The following GRID2IP variants were observed in gnomAD, a reference collection of about 807,000 sequenced individuals.
GRID2IP encodes Grid2 interacting protein.
A neutral mutation model predicts 114.3 loss-of-function variants in GRID2IP; 78 were observed. The observed-to-expected ratio is 0.68, with a 90% confidence interval of 0.57 to 0.82. The LOEUF (loss-of-function observed/expected upper bound fraction) is 0.82, where lower values mean the gene tolerates loss of function less well. Among genes scored for constraint, GRID2IP ranks in the 40% least tolerant of loss-of-function variants. GRID2IP has a pLI of 0.00. For synonymous variants in GRID2IP, 809 were observed against 724.0 expected, an observed-to-expected ratio of 1.12 and a Z score of -1.89; for missense variants, 1,727 against 1,678.5, an observed-to-expected ratio of 1.03 and a Z score of -0.51.
intron 2 of GRID2IP, among the ~76,000 whole-genome samples, chr7:6,538,480 T>G (rs1364563051): frequency 6.6e-6 from 1 of 151,394 alleles, no homozygotes; most frequent in African/African-American, 2.4e-5. Flanking sequence ...GGTGGGTGAA[T>G]CACTTGAGGT....
Position 6,536,063 on chromosome 7 carries a change from C to A in GRID2IP, c.584+3655G>T, listed in dbSNP as rs997594958. Among the ~76,000 whole-genome samples, 2 of 152,200 alleles carry A rather than the reference C, an allele frequency of 1.3e-5. No homozygotes were observed. Among genetic ancestry groups the A allele is most frequent in the Non-Finnish European group, 2.9e-5 (2 of 68,040 alleles). On this transcript the variant is annotated intron_variant, in intron 2 of 21. Transcript: ENST00000457091. This position sits in a 1 kb window ranked among gnomAD's most constrained non-coding sequence, Gnocchi z 5.3. ...CAGCTGCGTCTGTGGCTTCTCCATG[C>A]CCCCTCTGACCTCTCTCCAGATGGG...
rs535272257 is a variant in GRID2IP at position 6,528,971 on chromosome 7, C to T, written c.585-2202G>A. ...TCTGCCAGGCCTGCACATTCCCTAG[C>T]GCCTCCCAGACCTCAAGCCTCATGT... On this transcript the variant is annotated intron_variant, in intron 2 of 21. Transcript: ENST00000457091. This position sits in a 1 kb window ranked among gnomAD's most constrained non-coding sequence, Gnocchi z 6.0. 4.6e-5 allele frequency among the ~76,000 whole-genome samples: 7 copies of T among 152,266 alleles called. No homozygotes were observed. Among genetic ancestry groups the T allele is most frequent in the Admixed American group, 2.0e-4 (3 of 15,296 alleles).
At chr7:6,529,539 C>T (rs1010155357) in intron 2 of GRID2IP, among the ~76,000 whole-genome samples, 1 of 152,206 alleles carries the variant, frequency 6.6e-6, no homozygotes, top group Admixed American at 6.5e-5. Context: ...CCTTTCCTTA[C>T]TTGGTGTTTT....
In GRID2IP at chr7:6,498,084, C is replaced by T; in HGVS notation, c.3544G>A (p.Glu1182Lys). ...TSEAFFGIFA[E>K]FMSKFERALS... ...CTCACCTCGAATTTGCTCATGAACTCTGCAAAGATGCCGAAGAAAGCCTCA... is the reference window on the plus strand; with the variant it reads ...CTCACCTCGAATTTGCTCATGAACTTTGCAAAGATGCCGAAGAAAGCCTCA... The change falls in exon 21 of 22, where the codon GAG (glutamate) becomes AAG (lysine). Residue 1182 changes from glutamate to lysine, a missense_variant. Glu to Lys is a moderately conservative substitution (Grantham distance 56). Coordinates refer to ENST00000457091, the MANE Select transcript of GRID2IP (RefSeq NM_001145118.2). 6.4e-7 allele frequency: 1 copy of T among 1,551,354 alleles called. No individual in the cohort carries two copies. Among genetic ancestry groups the T allele is most frequent in the African/African-American group, 1.4e-5 (1 of 73,178 alleles).
At chr7:6,513,263 T>C (rs1052448939) in intron 8 of GRID2IP, among the ~76,000 whole-genome samples, 9 of 151,742 alleles carry the variant, frequency 5.9e-5, no homozygotes, top group South Asian at 2.1e-4. Context: ...TTTTTTTTTC[T>C]GGAGGCAGTA....
Position 6,509,127 on chromosome 7 carries a change from G to T in GRID2IP, c.1958C>A (p.Pro653His), listed in dbSNP as rs1786686614. The T allele has an allele frequency of 6.8e-7, 1 of 1,474,588 alleles. No individual in the cohort carries two copies. The highest frequency in any genetic ancestry group is 2.3e-5 in the Admixed American group (1 of 44,406). The allele number at this position is 1,474,588 out of a possible 1,614,324, so 91.3% of individuals were successfully genotyped here. ...PGPGPICPDSPPSPDPTRPPS... is the reference protein window; with the variant it reads ...PGPGPICPDSHPSPDPTRPPS... ...CGGGCGGGTGGGGTCCGGGCTTGGG[G>T]GGCTGTCGGGGCAGATGGGCCCGGG... is the stretch of plus-strand genomic sequence containing the variant. The change falls in exon 12 of 22, where the codon CCC becomes CAC. Residue 653 changes from proline (P) to histidine (H), a missense_variant. Transcript: ENST00000457091. The surrounding 1 kb of genome is among the most constrained non-coding windows in gnomAD (Gnocchi z 4.9).
rs1204028494 is a variant in GRID2IP at position 6,507,668 on chromosome 7, AG to A, written c.2544+316del. Among the ~76,000 whole-genome samples, 2 of 152,232 alleles carry A rather than the reference AG, an allele frequency of 1.3e-5. No homozygotes were observed. Among genetic ancestry groups the A allele is most frequent in the Admixed American group, 6.5e-5 (1 of 15,284 alleles). On this transcript the variant is annotated intron_variant, in intron 13 of 21. Transcript: ENST00000457091. The surrounding 1 kb of genome is among the most constrained non-coding windows in gnomAD (Gnocchi z 5.3). The stretch of plus-strand genomic sequence containing the variant: ...AGTGAAAGGGTGAAGGCTGGTGTGC[AG>A]GAGTTTGAACCAGCTGCTCTTTTAA...
Position 6,510,675 on chromosome 7 carries a change from G to T in GRID2IP, c.1587C>A (p.Pro529=). 1 of 1,546,636 alleles carries T rather than the reference G, an allele frequency of 6.5e-7. No individual in the cohort carries two copies. The highest frequency in any genetic ancestry group is 8.7e-7 in the Non-Finnish European group (1 of 1,145,408). The change falls in exon 10 of 22, where the codon CCC becomes CCA. Residue 529 remains proline, a synonymous_variant. Coordinates refer to ENST00000457091, the MANE Select transcript of GRID2IP (RefSeq NM_001145118.2). ...CTGCCTGGCGCTCGCCTGGGATCAG[G>T]GGAAGAGGCATCTCAGGGCACTCGC... The part of the protein sequence containing the change: ...GPSECPEMPL[P]LIPGERQAGD...
In GRID2IP at chr7:6,521,762, C is replaced by G. The variant is rs1190063823; in HGVS notation, c.989+126G>C. The G allele has an allele frequency of 3.9e-6, 3 of 764,176 alleles. No individual in the cohort carries two copies. The highest frequency in any genetic ancestry group is 6.5e-6 in the Non-Finnish European group (3 of 459,692). The allele number at this position is 764,176 out of a possible 1,614,324, so 47.3% of individuals were successfully genotyped here. A position where few individuals can be genotyped will look rare whatever the true frequency, so the allele number is the denominator to read the frequency against. ...TCAAGAGTTCCCATTGGAAGAGGGA[C>G]AGACCCTGGGGACCAAATGGTGAGA... is the stretch of plus-strand genomic sequence containing the variant. On this transcript the variant is annotated intron_variant, in intron 5 of 21. Coordinates refer to ENST00000457091, the MANE Select transcript of GRID2IP (RefSeq NM_001145118.2). This position sits in a 1 kb window ranked among gnomAD's most constrained non-coding sequence, Gnocchi z 4.1.
chr7:6,530,147 A>G (rs1464240349), intron 2 of GRID2IP, among the ~76,000 whole-genome samples: 3 of 151,368 alleles, frequency 2.0e-5, no homozygotes, highest in East Asian at 3.9e-4. Flanking sequence ...TTTAGTTGAG[A>G]CAGGGTTTCA....
chr7:6,499,603 G>C (rs896398711), intron 20 of GRID2IP, among the ~76,000 whole-genome samples: 1 of 151,906 alleles, frequency 6.6e-6, no homozygotes, highest in Non-Finnish European at 1.5e-5. Context: ...GCTAATTTTT[G>C]TATGTCTAGT....
chr7:6,533,054 G>A (rs188105459), intron 2 of GRID2IP, among the ~76,000 whole-genome samples: 1 of 152,322 alleles, frequency 6.6e-6, no homozygotes, highest in East Asian at 1.9e-4. Context: ...AACCAGTCGT[G>A]ATTTTTGTCC....
intron 7 of GRID2IP, among the ~76,000 whole-genome samples, chr7:6,515,398 T>C (rs1157648825): frequency 1.3e-5 from 2 of 148,660 alleles, no homozygotes; most frequent in Non-Finnish European, 3.0e-5. Flanking sequence ...GAGGCGGAGG[T>C]TGTAGTGAGC....
rs1779397393 is a variant in GRID2IP at position 6,520,800 on chromosome 7, G to A, written c.1085-39C>T. ...AGGCGGGAGAGGCATGAGTGACTCAGAGTCCCCAGGCCAGGTGTAGTCTCC... is the reference window on the plus strand; with the variant it reads ...AGGCGGGAGAGGCATGAGTGACTCAAAGTCCCCAGGCCAGGTGTAGTCTCC... On this transcript the variant is annotated intron_variant, in intron 6 of 21. Coordinates refer to ENST00000457091, the MANE Select transcript of GRID2IP (RefSeq NM_001145118.2). This position sits in a 1 kb window ranked among gnomAD's most constrained non-coding sequence, Gnocchi z 4.6. 6.5e-7 allele frequency: 1 copy of A among 1,528,030 alleles called. No homozygotes were observed. Among genetic ancestry groups the A allele is most frequent in the African/African-American group, 1.4e-5 (1 of 72,828 alleles). The allele number at this position is 1,528,030 out of a possible 1,614,324, so 94.7% of individuals were successfully genotyped here. A position where few individuals can be genotyped will look rare whatever the true frequency, so the allele number is the denominator to read the frequency against.
chr7:6,544,857 G>A (rs551364263), intron 1 of GRID2IP, among the ~76,000 whole-genome samples: 5 of 151,888 alleles, frequency 3.3e-5, no homozygotes, highest in African/African-American at 1.2e-4. Flanking sequence ...CGAGGCAGGC[G>A]GATCACAAGG....
intron 16 of GRID2IP, 84 bp from the exon 17 acceptor site, chr7:6,503,247 G>GGGGGGGGGGA: frequency 2.0e-6 from 1 of 504,190 alleles, no homozygotes; most frequent in Non-Finnish European, 3.6e-6. Context: ...GGGAGGGGGG[G>GGGGGGGGGGA]ATCTGCTGGC....
At chr7:6,511,864 C>G (rs548716089) in intron 8 of GRID2IP, among the ~76,000 whole-genome samples, 1 of 151,956 alleles carries the variant, frequency 6.6e-6, no homozygotes, top group Non-Finnish European at 1.5e-5. Flanking sequence ...TCTTCCTTCT[C>G]TCACTTTCTC....
At chr7:6,550,936 C>T in intron 1 of GRID2IP, 72 bp downstream of exon 1, 1 of 1,193,554 alleles carries the variant, frequency 8.4e-7, no homozygotes, top group Non-Finnish European at 1.0e-6. Context: ...GGGAGAGCGG[C>T]GCCCGGCCCA....
chr7:6,501,105 C>T (rs1317782400), intron 20 of GRID2IP, among the ~76,000 whole-genome samples: 5 of 152,212 alleles, frequency 3.3e-5, no homozygotes, highest in African/African-American at 4.8e-5. Flanking sequence ...AATCCCAGCA[C>T]TTTGAGAGGC....
Sources: gnomAD v4.1 joint callset for allele counts (sites outside exome capture counted in the v4.1 genomes callset) on GRCh38, gnomAD v4.1.1 for gene constraint, Gnocchi (gnomAD v3.1) non-coding constraint, MANE v1.5 for transcripts, NCBI Gene and HGNC (gene_info 2026-07-23, HGNC 2026-07-21) for gene names.